Variants in SPDYC observed in about 807,000 individuals in gnomAD.
SPDYC encodes speedy protein C.
In SPDYC, 25 loss-of-function variants were observed where a neutral mutation model predicts 33.9. That is an observed-to-expected ratio of 0.74 (90% CI 0.54 to 1.03). The LOEUF is 1.03. Among genes scored for constraint, SPDYC ranks in the 50% least tolerant of loss-of-function variants. The probability of loss-of-function intolerance (pLI) is 0.00; values close to 1 mark genes in which losing one functional copy is unlikely to be tolerated. For missense variants in SPDYC, 349 were observed against 382.9 expected, an observed-to-expected ratio of 0.91 and a Z score of 0.74; for synonymous variants, 133 against 140.2, an observed-to-expected ratio of 0.95 and a Z score of 0.36.
In SPDYC at chr11:65,172,637, A is replaced by C. The variant is rs373314975; in HGVS notation, c.516+32A>C. On this transcript the variant is annotated intron_variant, in intron 5 of 6. Transcript: ENST00000377185. ...CTGGGAGGCAACCTGGGGTGTGGGG[A>C]AGGCTGGGGTTCCCACCCCATTTAC... The C allele has an allele frequency of 5.1e-5, 80 of 1,555,962 alleles. No individual in the cohort carries two copies. In the African/African-American group the frequency reaches 1.0e-3, roughly 20 times the overall value.
At chr11:65,171,238 C>T in intron 1 of SPDYC, 89 bp from the exon 2 acceptor site, 1 of 1,417,082 alleles carries the variant, frequency 7.1e-7, no homozygotes, top group South Asian at 1.4e-5. Flanking sequence ...TGCACCCACC[C>T]CTCCACCGTC....
At chr11:65,173,014 A>G (rs528737075) in exon 6 of SPDYC, 1 of 1,612,818 alleles carries the variant, frequency 6.2e-7, no homozygotes, top group South Asian at 1.1e-5. Context: ...CTCCCTCCGC[A>G]GTGAGTGCAG....
exon 2 of SPDYC, chr11:65,171,374 A>G: frequency 6.2e-7 from 1 of 1,611,632 alleles, no homozygotes. Context: ...GACTCCCAAG[A>G]CCCCACCACT....
exon 6 of SPDYC, chr11:65,172,694 A>G (rs1474095275): frequency 3.1e-6 from 5 of 1,604,758 alleles, no homozygotes; most frequent in Non-Finnish European, 4.3e-6. Context: ...GTCATGGCAA[A>G]GGAGCCATTC....
chr11:65,170,242 TG>T lies in SPDYC; in HGVS notation c.10del (p.Ala4ProfsTer17). On this transcript the variant is annotated frameshift_variant, in exon 1 of 7. Coordinates refer to ENST00000377185, the Ensembl canonical transcript of SPDYC. LOFTEE classifies it high-confidence loss of function. Reference sequence around the variant, plus strand: ...TCGCGGCGGCGTTGGTGTTATGCTCTGGGCCATTCCTGAGCTCGGGTAAGGC... The same window carrying T: ...TCGCGGCGGCGTTGGTGTTATGCTCTGGCCATTCCTGAGCTCGGGTAAGGC... 1 of 1,579,184 alleles carries T rather than the reference TG, an allele frequency of 6.3e-7. No individual in the cohort carries two copies.
At chr11:65,172,404 T>C in intron 4 of SPDYC, 30 bp from the exon 5 acceptor site, 1 of 1,612,548 alleles carries the variant, frequency 6.2e-7, no homozygotes, top group Non-Finnish European at 8.5e-7. Context: ...GTGTGGCCTC[T>C]GCTCCCTGAC....
In SPDYC at chr11:65,172,777, C is replaced by T. The variant is rs372669084; in HGVS notation, c.610C>T (p.Arg204Cys). ...GAGGGTCTGTCCACAGGTCCCTGTTCGCCTTCCCCGGGGCCCTGGCCTCTC... is the reference window on the plus strand; with the variant it reads ...GAGGGTCTGTCCACAGGTCCCTGTTTGCCTTCCCCGGGGCCCTGGCCTCTC... Residue 204 changes from arginine to cysteine, a missense_variant, in exon 6 of 7, where the codon CGC becomes TGC. Coordinates refer to ENST00000377185, the Ensembl canonical transcript of SPDYC. 4.0e-5 allele frequency: 64 copies of T among 1,613,866 alleles called. No individual in the cohort carries two copies. The highest frequency in any genetic ancestry group is 3.3e-4 in the African/African-American group (25 of 74,910).
At chr11:65,173,071 G>A in intron 6 of SPDYC, 57 bp downstream of exon 6, 1 of 1,599,082 alleles carries the variant, frequency 6.3e-7, no homozygotes, top group Non-Finnish European at 8.5e-7. Flanking sequence ...GGAGGCAGGA[G>A]TGAGGACCAA....
At chr11:65,171,965 C>A in exon 3 of SPDYC, 1 of 1,614,048 alleles carries the variant, frequency 6.2e-7, no homozygotes, top group South Asian at 1.1e-5. Context: ...TCCAGGAATT[C>A]CTCTCCAAAG....
intron 1 of SPDYC, among the ~76,000 whole-genome samples, chr11:65,170,720 C>A (rs1666295390): frequency 6.6e-6 from 1 of 151,236 alleles, no homozygotes; most frequent in African/African-American, 2.4e-5. Context: ...CAAAAAAATA[C>A]AAAAAAAATT....
chr11:65,172,220 C>A (rs775138704), intron 3 of SPDYC, 26 bp from the exon 4 acceptor site: 4 of 1,613,168 alleles, frequency 2.5e-6, no homozygotes, highest in Non-Finnish European at 3.4e-6. Context: ...GAATAACTAA[C>A]CCCCCACCCC....
exon 6 of SPDYC, chr11:65,172,997 G>A (rs1449793469): frequency 3.7e-6 from 6 of 1,613,772 alleles, no homozygotes; most frequent in Non-Finnish European, 5.1e-6. Flanking sequence ...CTGGAACCAG[G>A]CACCTACTCC....
At chr11:65,171,428 G>A (rs755270650) in exon 2 of SPDYC, 10 of 1,604,788 alleles carry the variant, frequency 6.2e-6, no homozygotes, top group Non-Finnish European at 6.8e-6. Context: ...GGCTGCAGCC[G>A]GCAAGGTGGG....
exon 6 of SPDYC, chr11:65,172,737 C>A (rs749316251): frequency 6.2e-7 from 1 of 1,613,540 alleles, no homozygotes; most frequent in East Asian, 2.2e-5. Flanking sequence ...GGCGCCCCCA[C>A]CATGGTGGGG....
exon 6 of SPDYC, chr11:65,173,002 T>A: frequency 6.2e-7 from 1 of 1,613,614 alleles, no homozygotes; most frequent in Middle Eastern, 1.6e-4. Flanking sequence ...ACCAGGCACC[T>A]ACTCCCTCCG....
chr11:65,172,434 G>C (rs143694864), exon 5 of SPDYC: 1 of 1,605,040 alleles, frequency 6.2e-7, no homozygotes, highest in Admixed American at 1.7e-5. Flanking sequence ...CTGTGGCTAG[G>C]TACCTTGCAA....
intron 1 of SPDYC, among the ~76,000 whole-genome samples, chr11:65,170,776 G>T (rs1948422232): frequency 6.6e-6 from 1 of 152,070 alleles, no homozygotes; most frequent in Non-Finnish European, 1.5e-5. Flanking sequence ...CCAGCTACTC[G>T]GGAGGCTCAG....
At chr11:65,170,647 A>T (rs1318962308) in intron 1 of SPDYC, among the ~76,000 whole-genome samples, 5 of 149,692 alleles carry the variant, frequency 3.3e-5, no homozygotes, top group African/African-American at 1.2e-4. Flanking sequence ...CTGCAATCCC[A>T]GCACTTTGGG....
exon 6 of SPDYC, chr11:65,172,799 T>A: frequency 6.2e-7 from 1 of 1,614,066 alleles, no homozygotes; most frequent in Non-Finnish European, 8.5e-7. Flanking sequence ...GGCCCTGGCC[T>A]CTCGCCGCCC....
Sources: allele counts gnomAD v4.1 joint callset (sites outside exome capture counted in the v4.1 genomes callset), GRCh38; gene constraint gnomAD v4.1.1; transcripts MANE v1.5; gene names NCBI Gene and HGNC (gene_info 2026-07-23, HGNC 2026-07-21).